The following PUS1 variants were observed in gnomAD, a reference collection of about 807,000 sequenced individuals.
PUS1 encodes the protein pseudouridine synthase 1.
A neutral mutation model predicts 38.5 loss-of-function variants in PUS1; 25 were observed. That is an observed-to-expected ratio of 0.65 (90% CI 0.47 to 0.91). The LOEUF (loss-of-function observed/expected upper bound fraction) is 0.91, where lower values mean the gene tolerates loss of function less well. Ranked by LOEUF, PUS1 falls within the 40% of genes least tolerant of loss-of-function variation. The pLI, the probability that PUS1 is intolerant of heterozygous loss-of-function variation, is 0.00. For missense variants in PUS1, 597 were observed against 612.3 expected (o/e 0.97, Z 0.26); for synonymous variants, 282 against 260.4 (o/e 1.08, Z -0.80).
Position 131,942,003 on chromosome 12 carries a change from A to G in PUS1, c.1236+20A>G, listed in dbSNP as rs1222947087. 6.3e-7 allele frequency: 1 copy of G among 1,595,466 alleles called. No homozygotes were observed. The highest frequency in any genetic ancestry group is 8.6e-7 in the Non-Finnish European group (1 of 1,168,014). ...GCCAAGGTAGGGGCACAGTCCCAGC[A>G]GTGCTCAGCAGAACACAGGCCCACA... On this transcript the variant is annotated intron_variant, in intron 5 of 5. Coordinates refer to ENST00000376649, the MANE Select transcript of PUS1 (RefSeq NM_025215.6).
intron 3 of PUS1, among the ~76,000 whole-genome samples, chr12:131,937,058 T>A (rs984906838): frequency 2.0e-5 from 3 of 152,174 alleles, no homozygotes; most frequent in Admixed American, 1.3e-4. Flanking sequence ...TTCTTTCCCT[T>A]TTTTGGTGCT....
intron 2 of PUS1, among the ~76,000 whole-genome samples, chr12:131,930,993 G>C (rs895171408): frequency 4.6e-5 from 7 of 152,092 alleles, no homozygotes; most frequent in African/African-American, 1.7e-4. Flanking sequence ...CCTTTTTGTA[G>C]TTACCACTGT....
chr12:131,932,396 T>C (rs1890645954), intron 3 of PUS1, 84 bp downstream of exon 3: 2 of 1,472,876 alleles, frequency 1.4e-6, no homozygotes, highest in East Asian at 4.6e-5. Context: ...TGGCTTGTTA[T>C]GCTGTTTCTG....
At position 131,941,308 on chromosome 12, in the gene PUS1, G is replaced by A. The variant is rs770364021; in HGVS notation, c.561G>A (p.Thr187=). The change falls in exon 5 of 6, where the codon ACG becomes ACA. Residue 187 remains threonine (T), a synonymous_variant. Transcript: ENST00000376649. This position sits in a 1 kb window ranked among gnomAD's most constrained non-coding sequence, Gnocchi z 4.4. ...CCCCCCTAGGACTGAAGCGGGTCACGGGCGGGTTTAACTCCAAGAACAGAT... is the reference window on the plus strand; with the variant it reads ...CCCCCCTAGGACTGAAGCGGGTCACAGGCGGGTTTAACTCCAAGAACAGAT... ...HIRILGLKRV[T]GGFNSKNRCD... The A allele has an allele frequency of 5.6e-6, 9 of 1,614,134 alleles. No individual in the cohort carries two copies. The highest frequency in any genetic ancestry group is 4.5e-5 in the East Asian group (2 of 44,872).
intron 3 of PUS1, among the ~76,000 whole-genome samples, chr12:131,935,865 T>C (rs572763383): frequency 6.6e-6 from 1 of 150,970 alleles, no homozygotes; most frequent in Admixed American, 6.5e-5. Context: ...GTATTTCTGC[T>C]GTTTAACATT....
At chr12:131,935,664 G>C (rs1257199375) in intron 3 of PUS1, among the ~76,000 whole-genome samples, 4 of 152,078 alleles carry the variant, frequency 2.6e-5, no homozygotes, top group Non-Finnish European at 5.9e-5. Context: ...CTCCCGAGTA[G>C]CTGGGAATAC....
At chr12:131,932,337 TC>T (rs1347836251) in intron 3 of PUS1, 25 bp downstream of exon 3, 2 of 1,611,638 alleles carry the variant, frequency 1.2e-6, no homozygotes, top group Non-Finnish European at 1.7e-6. Flanking sequence ...TCTCTGCCCC[TC>T]CCCCGCTGCT....
At position 131,941,823 on chromosome 12, in the gene PUS1, C is replaced by T. The variant is rs142072030; in HGVS notation, c.1076C>T (p.Ala359Val). The T allele has an allele frequency of 9.8e-5, 158 of 1,613,932 alleles. 1 individual carries two copies. The East Asian group carries it at 2.3e-3, about 23-fold the overall frequency. ...GGGCTGCATGAGCCGCTGGACTGGG[C>T]GCAGGAGGAAGGAAAGGTCGCAGCC... ...NDGLHEPLDW[A>V]QEEGKVAAFK... Residue 359 changes from alanine to valine, a missense_variant, in exon 5 of 6, where the codon GCG (alanine) becomes GTG (valine). Coordinates refer to ENST00000376649, the MANE Select transcript of PUS1 (RefSeq NM_025215.6). The surrounding 1 kb of genome is among the most constrained non-coding windows in gnomAD (Gnocchi z 4.4).
intron 2 of PUS1, among the ~76,000 whole-genome samples, chr12:131,930,462 G>T (rs1210624017): frequency 6.6e-6 from 1 of 152,208 alleles, no homozygotes. Flanking sequence ...GTGTACTGAC[G>T]CTCGGTGCTG....
intron 5 of PUS1, 136 bp downstream of exon 5, chr12:131,942,119 G>C: frequency 1.1e-6 from 1 of 883,002 alleles, no homozygotes; most frequent in South Asian, 1.6e-5. Context: ...AGCAGGGGCA[G>C]GCGGTCTTGA....
chr12:131,932,237 G>A lies in PUS1; in HGVS notation c.366G>A (p.Arg122=), dbSNP rs775750181. Residue 122 remains arginine, a synonymous_variant, in exon 3 of 6, where the codon CGG becomes CGA. Coordinates refer to ENST00000376649, the MANE Select transcript of PUS1 (RefSeq NM_025215.6). ...ATGACTTGGTGTCCGCCCTCGTCCG[G>A]TCAGGCTGTATTCCTGAAAATCATG... is the stretch of plus-strand genomic sequence containing the variant. ...IEDDLVSALV[R]SGCIPENHGE... 2 of 1,613,936 alleles carry A rather than the reference G, an allele frequency of 1.2e-6. No homozygotes were observed. Among genetic ancestry groups the A allele is most frequent in the Non-Finnish European group, 1.7e-6 (2 of 1,179,816 alleles).
intron 3 of PUS1, 26 bp downstream of exon 3, chr12:131,932,338 C>T (rs1472076361): frequency 1.9e-6 from 3 of 1,611,946 alleles, no homozygotes; most frequent in African/African-American, 1.3e-5. Context: ...CTCTGCCCCT[C>T]CCCCGCTGCT....
chr12:131,929,589 G>C lies in PUS1; in HGVS notation c.-134G>C. The C allele has an allele frequency of 1.3e-6, 1 of 747,906 alleles. No individual in the cohort carries two copies. Among genetic ancestry groups the C allele is most frequent in the Non-Finnish European group, 2.0e-6 (1 of 498,284 alleles). The allele number at this position is 747,906 out of a possible 1,614,324, so 46.3% of individuals were successfully genotyped here. A position where few individuals can be genotyped will look rare whatever the true frequency, so the allele number is the denominator to read the frequency against. On this transcript the variant is annotated 5_prime_UTR_variant, in exon 1 of 6. Coordinates refer to ENST00000376649, the MANE Select transcript of PUS1 (RefSeq NM_025215.6). ...GAGGGGCTGGGGCGCCGGTTTCCCG[G>C]AGGTCAGGGGTCAGAAGGAACAGGG... is the stretch of plus-strand genomic sequence containing the variant.
intron 3 of PUS1, among the ~76,000 whole-genome samples, chr12:131,933,824 GAGAT>G (rs1890711456): frequency 6.6e-6 from 1 of 152,200 alleles, no homozygotes; most frequent in Non-Finnish European, 1.5e-5. Flanking sequence ...ACGAGACAAA[GAGAT>G]AGAAGGAAAG....
At position 131,941,694 on chromosome 12, in the gene PUS1, G is replaced by A. The variant is rs770654583; in HGVS notation, c.947G>A (p.Arg316His). The A allele has an allele frequency of 1.2e-5, 19 of 1,614,206 alleles. No homozygotes were observed. The highest frequency in any genetic ancestry group is 4.5e-5 in the East Asian group (2 of 44,880). ...TATGCCCCTGAGAGCGTGCTGGAGC[G>A]CAGCTGGGGCACAGAGAAGGTGGAC... ...KGYAPESVLERSWGTEKVDVP... is the reference protein window; with the variant it reads ...KGYAPESVLEHSWGTEKVDVP... Residue 316 changes from arginine to histidine, a missense_variant, in exon 5 of 6, where the codon CGC (arginine) becomes CAC (histidine). Transcript: ENST00000376649. The surrounding 1 kb of genome is among the most constrained non-coding windows in gnomAD (Gnocchi z 4.4).
chr12:131,941,902 C>T lies in PUS1; in HGVS notation c.1155C>T (p.Arg385=), dbSNP rs1193724953. The T allele has an allele frequency of 1.2e-6, 2 of 1,613,350 alleles. No individual in the cohort carries two copies. The highest frequency in any genetic ancestry group is 8.5e-7 in the Non-Finnish European group (1 of 1,180,052). The stretch of plus-strand genomic sequence containing the variant: ...TCATCGGCACCGAGCGGGACGAACG[C>T]TCCATGGCCCAGTGGCTGAGCACCT... ...PTIIGTERDE[R]SMAQWLSTLP... Residue 385 remains arginine (R), a synonymous_variant, in exon 5 of 6, where the codon CGC becomes CGT. Coordinates refer to ENST00000376649, the MANE Select transcript of PUS1 (RefSeq NM_025215.6). The surrounding 1 kb of genome is among the most constrained non-coding windows in gnomAD (Gnocchi z 4.4).
chr12:131,937,300 CAT>C (rs1420187760), intron 3 of PUS1, among the ~76,000 whole-genome samples: 1 of 152,210 alleles, frequency 6.6e-6, no homozygotes, highest in East Asian at 1.9e-4. Context: ...TGAGCACCCA[CAT>C]AGTCTTCCCA....
intron 2 of PUS1, chr12:131,931,973 C>T (rs1480762141): frequency 6.0e-6 from 4 of 667,434 alleles, no homozygotes; most frequent in South Asian, 1.6e-5. Context: ...ACACTACCCA[C>T]CCCCTAGCAT....
chr12:131,942,824 C>T (rs956463387), intron 5 of PUS1, among the ~76,000 whole-genome samples: 1 of 152,226 alleles, frequency 6.6e-6, no homozygotes, highest in Non-Finnish European at 1.5e-5. Context: ...TTCCTGCATA[C>T]CTGGGTGGCA....
Sources: gnomAD v4.1 joint callset for allele counts (sites outside exome capture counted in the v4.1 genomes callset) on GRCh38, gnomAD v4.1.1 for gene constraint, Gnocchi (gnomAD v3.1) non-coding constraint, MANE v1.5 for transcripts, NCBI Gene and HGNC (gene_info 2026-07-23, HGNC 2026-07-21) for gene names.